The following CALD1 variants were observed in gnomAD, a reference collection of about 807,000 sequenced individuals.
CALD1 encodes caldesmon.
A neutral mutation model predicts 99.9 loss-of-function variants in CALD1; 33 were observed. The observed-to-expected ratio is 0.33, with a 90% confidence interval of 0.25 to 0.44. CALD1 has a LOEUF of 0.44. Among genes scored for constraint, CALD1 ranks in the 20% least tolerant of loss-of-function variants. CALD1 has a pLI of 1.00. For missense variants in CALD1, 861 were observed against 962.1 expected, an observed-to-expected ratio of 0.89 and a Z score of 1.39; for synonymous variants, 310 against 325.0, an observed-to-expected ratio of 0.95 and a Z score of 0.50.
chr7:134,721,600 G>C, the CALD1 span, among the ~76,000 whole-genome samples: 21 of 152,030 alleles, frequency 1.4e-4, no homozygotes, highest in Non-Finnish European at 2.1e-4. Context: ...TAGGGGAGGT[G>C]GGGGGGTGAA....
Position 134,934,095 on chromosome 7 carries a change from C to T in CALD1, c.1308+18C>T, listed in dbSNP as rs763860435. ...AGAAACAGGTACAGTAAACATTTTG[C>T]ACCAAATGTGTGATGCCTGTGACTT... is the stretch of plus-strand genomic sequence containing the variant. On this transcript the variant is annotated intron_variant, in intron 5 of 14. Coordinates refer to ENST00000361675, the MANE Select transcript of CALD1 (RefSeq NM_033138.4). 9 of 1,590,068 alleles carry T rather than the reference C, an allele frequency of 5.7e-6. No homozygotes were observed. In the South Asian group the frequency reaches 9.3e-5, roughly 16 times the overall value.
chr7:134,894,032 G>A (rs575046196), intron 3 of CALD1, among the ~76,000 whole-genome samples: 1 of 152,344 alleles, frequency 6.6e-6, no homozygotes, highest in African/African-American at 2.4e-5. Context: ...GCGACACTCA[G>A]ATATGCATTT....
chr7:134,907,696 T>C (rs889413541), intron 3 of CALD1, among the ~76,000 whole-genome samples: 5 of 152,202 alleles, frequency 3.3e-5, no homozygotes, highest in African/African-American at 1.2e-4. Flanking sequence ...AAACCATAAT[T>C]GTGGCCTACC....
chr7:134,921,569 T>C (rs111624107), intron 3 of CALD1, among the ~76,000 whole-genome samples: 1,853 of 152,294 alleles, frequency 0.012, 34 homozygotes, highest in African/African-American at 0.042. Flanking sequence ...CCCAGCACTT[T>C]GGGAGGCCGA....
At chr7:134,877,254 A>G (rs1801395560) in intron 3 of CALD1, among the ~76,000 whole-genome samples, 1 of 152,200 alleles carries the variant, frequency 6.6e-6, no homozygotes, top group Non-Finnish European at 1.5e-5. Flanking sequence ...TGAACAAGGT[A>G]CAACTCCATG....
At chr7:134,891,537 C>T (rs1284548967) in intron 3 of CALD1, 2 of 1,529,714 alleles carry the variant, frequency 1.3e-6, no homozygotes, top group Non-Finnish European at 1.8e-6. Flanking sequence ...ATGGCCCCTC[C>T]GCGGGCCCAG....
At chr7:134,779,835 T>TA in intron 1 of CALD1, 86 bp downstream of exon 1, 1 of 396,388 alleles carries the variant, frequency 2.5e-6, no homozygotes, top group Non-Finnish European at 4.4e-6. Context: ...CTGGCTAAGG[T>TA]AGCTGGAGAT....
upstream of CALD1, among the ~76,000 whole-genome samples, chr7:134,742,709 G>A (rs1272255591): frequency 4.6e-5 from 7 of 152,214 alleles, no homozygotes; most frequent in South Asian, 2.1e-4. Context: ...TACCAGTATC[G>A]AACATCTCAG....
chr7:134,903,226 A>T (rs1013503940), intron 3 of CALD1, among the ~76,000 whole-genome samples: 7 of 152,110 alleles, frequency 4.6e-5, no homozygotes, highest in African/African-American at 1.7e-4. Context: ...AGTTGGTATG[A>T]CACTACATTT....
At chr7:134,943,106 T>C (rs1806581983) in intron 7 of CALD1, among the ~76,000 whole-genome samples, 1 of 152,180 alleles carries the variant, frequency 6.6e-6, no homozygotes, top group African/African-American at 2.4e-5. Context: ...TTCACGCTGA[T>C]TGAAGTAGAG....
intron 14 of CALD1, among the ~76,000 whole-genome samples, chr7:134,966,874 T>C (rs1261938621): frequency 1.3e-5 from 2 of 152,142 alleles, no homozygotes; most frequent in Non-Finnish European, 2.9e-5. Flanking sequence ...TTGTCAGCCA[T>C]GCAATGTAAA....
chr7:134,823,029 G>GT (rs769067225), intron 1 of CALD1, among the ~76,000 whole-genome samples: 11 of 152,230 alleles, frequency 7.2e-5, no homozygotes, highest in Non-Finnish European at 1.6e-4. Flanking sequence ...TGACTTCTCC[G>GT]TGGGTCACCC....
At chr7:134,809,757 C>A (rs1328112042) in intron 1 of CALD1, 2 of 152,134 alleles carry the variant, frequency 1.3e-5, no homozygotes, top group East Asian at 1.9e-4. Context: ...TCCCTCAAAT[C>A]AACTTTGGAG....
chr7:134,711,680 A>ATATATATGTGTGTGTG, the CALD1 span, among the ~76,000 whole-genome samples: 2 of 109,588 alleles, frequency 1.8e-5, no homozygotes, highest in African/African-American at 7.8e-5. Context: ...ATATATATAT[A>ATATATATGTGTGTGTG]TGTGTGTGTG....
At chr7:134,766,944 T>A (rs1796831726) in intron 1 of CALD1, among the ~76,000 whole-genome samples, 1 of 151,804 alleles carries the variant, frequency 6.6e-6, no homozygotes, top group Admixed American at 6.6e-5. Flanking sequence ...TTTGGAGAAA[T>A]TTGACACTAA....
chr7:134,745,962 C>T (rs1296662183), intron 1 of CALD1, among the ~76,000 whole-genome samples: 2 of 152,058 alleles, frequency 1.3e-5, no homozygotes, highest in African/African-American at 2.4e-5. Flanking sequence ...TGTTATCTAC[C>T]ATGGTTGTGT....
intron 6 of CALD1, among the ~76,000 whole-genome samples, chr7:134,938,253 C>A (rs1338834767): frequency 6.6e-6 from 1 of 152,192 alleles, no homozygotes; most frequent in Non-Finnish European, 1.5e-5. Context: ...CTACACCCAG[C>A]TCTTGTTGCT....
the CALD1 span, among the ~76,000 whole-genome samples, chr7:134,718,369 A>C: frequency 2.0e-5 from 3 of 152,194 alleles, no homozygotes; most frequent in Non-Finnish European, 2.9e-5. Flanking sequence ...AGACATGACA[A>C]AAAGGCACAG....
chr7:134,948,862 C>A (rs192327477), intron 8 of CALD1, among the ~76,000 whole-genome samples: 167 of 151,438 alleles, frequency 1.1e-3, no homozygotes, highest in African/African-American at 3.9e-3. Flanking sequence ...GTTAAACACA[C>A]CCCAGGCTTT....
Sources: gnomAD v4.1 joint callset for allele counts (sites outside exome capture counted in the v4.1 genomes callset) on GRCh38, gnomAD v4.1.1 for gene constraint, MANE v1.5 for transcripts, NCBI Gene and HGNC (gene_info 2026-07-23, HGNC 2026-07-21) for gene names.